OVCH1: variants seen among roughly 807,000 people sequenced by gnomAD.
OVCH1 encodes the protein ovochymase-1.
Under a neutral mutation model 138.4 loss-of-function variants are expected in OVCH1, and 139 were observed. The ratio of observed to expected loss-of-function variants is 1.00; its 90% CI spans 0.87 to 1.16. OVCH1 has a LOEUF of 1.16. OVCH1 is among the 50% of genes most tolerant of loss of function. The pLI is 0.00. For missense variants in OVCH1, 1,367 were observed against 1,357.9 expected, an observed-to-expected ratio of 1.01 and a Z score of -0.11; for synonymous variants, 453 against 467.8, an observed-to-expected ratio of 0.97 and a Z score of 0.41.
intron 3 of OVCH1, among the ~76,000 whole-genome samples, chr12:29,417,597 G>T (rs1350523969): frequency 6.6e-6 from 1 of 152,008 alleles, no homozygotes; most frequent in South Asian, 2.1e-4. Flanking sequence ...TATATTGGGT[G>T]CCTGTACTAT....
chr12:29,463,913 A>T (rs1036045433), intron 18 of OVCH1, among the ~76,000 whole-genome samples: 29 of 152,180 alleles, frequency 1.9e-4, no homozygotes, highest in African/African-American at 6.8e-4. Flanking sequence ...CACAAAACAA[A>T]TATCAACCCA....
At chr12:29,474,107 A>AG (rs1942619386) in intron 14 of OVCH1, among the ~76,000 whole-genome samples, 1 of 143,590 alleles carries the variant, frequency 7.0e-6, no homozygotes, top group Non-Finnish European at 1.5e-5. Flanking sequence ...ACACACACAT[A>AG]TATATATCTG....
At position 29,472,948 on chromosome 12, in the gene OVCH1, A is replaced by G. The variant is rs945593602; in HGVS notation, c.1675+81T>C. The G allele has an allele frequency of 3.2e-6, 4 of 1,241,440 alleles. No individual in the cohort carries two copies. In the African/African-American group the frequency reaches 6.1e-5, roughly 19 times the overall value. 76.9% of individuals were successfully genotyped at this position (1,241,440 alleles called of 1,614,324 possible). ...TTCACTGTGGAGTTATAGCCAATGTAAGATAAGGGCTTCCAAAAGAGACAT... is the reference window on the plus strand; with the variant it reads ...TTCACTGTGGAGTTATAGCCAATGTGAGATAAGGGCTTCCAAAAGAGACAT... On this transcript the variant is annotated intron_variant, in intron 15 of 27. Transcript: ENST00000318184.
At chr12:29,493,017 T>C (rs1943313861) in intron 4 of OVCH1, among the ~76,000 whole-genome samples, 2 of 152,170 alleles carry the variant, frequency 1.3e-5, no homozygotes, top group Admixed American at 1.3e-4. Context: ...TTAGTGACTG[T>C]GACAAGACCA....
chr12:29,408,350 T>A (rs1391708285), downstream of OVCH1, among the ~76,000 whole-genome samples: 2 of 118,654 alleles, frequency 1.7e-5, no homozygotes, highest in Non-Finnish European at 4.1e-5. Context: ...CTGTGTTGAA[T>A]AGGAGTGGTG....
intron 25 of OVCH1, chr12:29,440,588 A>G (rs1371270762): frequency 2.8e-6 from 1 of 352,752 alleles, no homozygotes; most frequent in Non-Finnish European, 5.5e-6. Context: ...AAACAACCTC[A>G]TGAGGCAGTG....
chr12:29,492,608 CA>C (rs1193674032), intron 4 of OVCH1, among the ~76,000 whole-genome samples: 3 of 152,038 alleles, frequency 2.0e-5, no homozygotes, highest in Non-Finnish European at 4.4e-5. Context: ...AACAAGATGG[CA>C]AAAGTGTGAA....
intron 3 of OVCH1, 50 bp downstream of exon 3, chr12:29,496,131 C>G: frequency 6.7e-7 from 1 of 1,486,386 alleles, no homozygotes; most frequent in Non-Finnish European, 9.2e-7. Flanking sequence ...ATCTGCCAGT[C>G]GCATAGCCAG....
intron 14 of OVCH1, among the ~76,000 whole-genome samples, chr12:29,473,315 C>G (rs574959795): frequency 6.6e-6 from 1 of 152,030 alleles, no homozygotes; most frequent in Non-Finnish European, 1.5e-5. Flanking sequence ...TTCTTCCTTC[C>G]TTGGTTTCTT....
chr12:29,472,098 T>C, intron 15 of OVCH1, 116 bp from the exon 16 acceptor site: 2 of 1,104,926 alleles, frequency 1.8e-6, no homozygotes, highest in Non-Finnish European at 2.5e-6. Context: ...GGCTTTATAA[T>C]AATATTGACT....
chr12:29,490,818 T>C (rs529889482), intron 5 of OVCH1, among the ~76,000 whole-genome samples: 1 of 152,346 alleles, frequency 6.6e-6, no homozygotes, highest in African/African-American at 2.4e-5. Context: ...ATTGTTGCTA[T>C]TTCCTGATCA....
At chr12:29,423,267 G>A (rs564103507), downstream of OVCH1, 1 of 455,906 alleles carries the variant, frequency 2.2e-6, no homozygotes, top group South Asian at 1.5e-5. Context: ...TGGATATCAA[G>A]ATAAACTCTT....
intron 22 of OVCH1, among the ~76,000 whole-genome samples, chr12:29,447,770 A>G (rs1436027339): frequency 1.3e-5 from 2 of 152,088 alleles, no homozygotes; most frequent in African/African-American, 2.4e-5. Context: ...ATGAAAGCCA[A>G]TGTAATAGAC....
At chr12:29,472,908 TAA>T in intron 15 of OVCH1, 119 bp downstream of exon 15, 1 of 824,826 alleles carries the variant, frequency 1.2e-6, no homozygotes. Flanking sequence ...GACCTAAATA[TAA>T]GACTCATTCT....
chr12:29,481,316 A>G (rs1942925840), intron 8 of OVCH1, among the ~76,000 whole-genome samples: 1 of 152,134 alleles, frequency 6.6e-6, no homozygotes, highest in Non-Finnish European at 1.5e-5. Flanking sequence ...CTCCTATTGA[A>G]GCAGTATTTT....
chr12:29,413,502 T>A (rs994821245), intron 3 of OVCH1, among the ~76,000 whole-genome samples: 3 of 152,206 alleles, frequency 2.0e-5, no homozygotes, highest in African/African-American at 7.2e-5. Context: ...TTTTCAAGTA[T>A]TTTTATATCT....
chr12:29,413,859 C>T (rs1411386546), intron 3 of OVCH1, among the ~76,000 whole-genome samples: 28 of 138,974 alleles, frequency 2.0e-4, no homozygotes, highest in Non-Finnish European at 3.2e-5. Flanking sequence ...TTTTCCTTCT[C>T]ACCTGCCTAT....
chr12:29,405,043 A>AAAC, the OVCH1 span, among the ~76,000 whole-genome samples: 3 of 138,634 alleles, frequency 2.2e-5, no homozygotes, highest in African/African-American at 7.6e-5. Context: ...AAAAAAAAAA[A>AAAC]AAAAAAAAAA....
chr12:29,426,775 A>T (rs1941186057), downstream of OVCH1, among the ~76,000 whole-genome samples: 1 of 152,196 alleles, frequency 6.6e-6, no homozygotes, highest in South Asian at 2.1e-4. Flanking sequence ...CTCTAAAGCA[A>T]CATCATCTAT....
Sources: gnomAD v4.1 joint callset for allele counts (sites outside exome capture counted in the v4.1 genomes callset) on GRCh38, gnomAD v4.1.1 for gene constraint, MANE v1.5 for transcripts, NCBI Gene and HGNC (gene_info 2026-07-23, HGNC 2026-07-21) for gene names.